Variants in ASXL1 observed in about 807,000 individuals in gnomAD.
The protein encoded by ASXL1 is ASXL transcriptional regulator 1.
ASXL1 carries 65 observed loss-of-function variants against 89.1 expected under a neutral mutation model. That is an observed-to-expected ratio of 0.73 (90% CI 0.60 to 0.90). The LOEUF (loss-of-function observed/expected upper bound fraction) is 0.90. Ranked by LOEUF, ASXL1 falls within the 40% of genes least tolerant of loss-of-function variation. The pLI is 0.00. For synonymous variants in ASXL1, 739 were observed against 746.9 expected (o/e 0.99, Z 0.17); for missense variants, 1,786 against 1,942.9 (o/e 0.92, Z 1.52).
rs987968539 is a variant in ASXL1, at chr20:32,428,207, G to A, written c.332G>A (p.Cys111Tyr). The A allele has an allele frequency of 3.1e-6, 5 of 1,614,182 alleles. No homozygotes were observed. The East Asian group carries it at 6.7e-5, about 22-fold the overall frequency. The change falls in exon 5 of 13, where the codon TGT (cysteine) becomes TAT (tyrosine). Residue 111 changes from cysteine to tyrosine, a missense_variant. Transcript: ENST00000375687. ...EPEDTADVES[C>Y]GSNEASTVSG... is the part of the protein sequence containing the mutation. ...GAGGACACGGCTGATGTGGAGAGCTGTGGGTCTAATGAAGCCAGCACTGTG... is the reference window on the plus strand; with the variant it reads ...GAGGACACGGCTGATGTGGAGAGCTATGGGTCTAATGAAGCCAGCACTGTG...
chr20:32,362,393 T>A (rs1362996241), intron 1 of ASXL1, among the ~76,000 whole-genome samples: 1 of 152,142 alleles, frequency 6.6e-6, no homozygotes, highest in East Asian at 1.9e-4. Flanking sequence ...TCCCAGCACT[T>A]TGGGAGGCCG....
At chr20:32,391,875 G>GTTCTT (rs2048677843) in intron 4 of ASXL1, among the ~76,000 whole-genome samples, 2 of 151,826 alleles carry the variant, frequency 1.3e-5, no homozygotes, top group Admixed American at 1.3e-4. Context: ...AGTCACTCCA[G>GTTCTT]TTCTTTTCAG....
intron 4 of ASXL1, among the ~76,000 whole-genome samples, chr20:32,397,249 G>GTTTTT (rs1480616920): frequency 1.7e-4 from 5 of 29,932 alleles, no homozygotes; most frequent in Non-Finnish European, 3.3e-4. Context: ...ACCATGCCTG[G>GTTTTT]CTTTTTTTTT....
Position 32,436,083 on chromosome 20 carries a change from C to G in ASXL1, c.3371C>G (p.Pro1124Arg), listed in dbSNP as rs777758375. The G allele has an allele frequency of 3.8e-5, 61 of 1,614,182 alleles. No homozygotes were observed. Among genetic ancestry groups the G allele is most frequent in the Non-Finnish European group, 5.2e-5 (61 of 1,180,028 alleles). Residue 1124 changes from proline (P) to arginine (R), a missense_variant, in exon 13 of 13, where the codon CCA (proline) becomes CGA (arginine). By Grantham distance (103) the Pro-to-Arg change is moderately radical. Coordinates refer to ENST00000375687, the MANE Select transcript of ASXL1 (RefSeq NM_015338.6). ...TTGCCCCTAGAGAAGGTTCTTCCACCAGCCCACGATGACAGCATGTCAGAA... is the reference window on the plus strand; with the variant it reads ...TTGCCCCTAGAGAAGGTTCTTCCACGAGCCCACGATGACAGCATGTCAGAA... ...GSLPLEKVLP[P>R]AHDDSMSESP...
chr20:32,358,548 G>T lies in ASXL1; in HGVS notation c.-228G>T. On this transcript the variant is annotated 5_prime_UTR_variant, in exon 1 of 13. Coordinates refer to ENST00000375687, the MANE Select transcript of ASXL1 (RefSeq NM_015338.6). ...GCCGCCGCTGCCGCCGTGGGCGACT[G>T]ACGCAGCGCGGGCGCGTGGAGCCGC... 1 of 214,374 alleles carries T rather than the reference G, an allele frequency of 4.7e-6. No homozygotes were observed. Among genetic ancestry groups the T allele is most frequent in the South Asian group, 1.6e-4 (1 of 6,134 alleles). 13.3% of individuals were successfully genotyped at this position (214,374 alleles called of 1,614,324 possible).
intron 4 of ASXL1, among the ~76,000 whole-genome samples, chr20:32,376,663 G>T (rs2048382979): frequency 6.6e-6 from 1 of 151,790 alleles, no homozygotes; most frequent in South Asian, 2.1e-4. Flanking sequence ...TTCTTTGCCT[G>T]TTCTCCCTTA....
At chr20:32,412,145 A>G (rs895971774) in intron 4 of ASXL1, among the ~76,000 whole-genome samples, 1 of 152,166 alleles carries the variant, frequency 6.6e-6, no homozygotes, top group Admixed American at 6.5e-5. Context: ...TTGTCTGTCT[A>G]TAGGTAAATA....
intron 12 of ASXL1, 66 bp downstream of exon 12, chr20:32,433,983 G>A (rs1474864063): frequency 2.5e-6 from 4 of 1,593,644 alleles, no homozygotes; most frequent in Non-Finnish European, 3.4e-6. Context: ...TGAGATTATA[G>A]AGCCCTTAAC....
Position 32,432,985 on chromosome 20 carries a change from A to G in ASXL1, c.1085A>G (p.Lys362Arg), listed in dbSNP as rs2123248318. ...TTCTTTGAAGACTACTATGGACAGA[A>G]GTAAGGCAGTTGGAGCTATGAGTCC... ...EKFFEDYYGQKLGLTKEESLQ... is the reference protein window; with the variant it reads ...EKFFEDYYGQRLGLTKEESLQ... The change falls in exon 11 of 13, where the codon AAG becomes AGG. Residue 362 changes from lysine (K) to arginine (R), a missense_variant and splice_region_variant. Around this residue, in one of 3 missense-constraint regions of ASXL1, gnomAD observed 1,418 missense variants for 1,427.8 expected, o/e 0.99. Coordinates refer to ENST00000375687, the MANE Select transcript of ASXL1 (RefSeq NM_015338.6). 4 of 1,613,752 alleles carry G rather than the reference A, an allele frequency of 2.5e-6. No individual in the cohort carries two copies. Among genetic ancestry groups the G allele is most frequent in the Non-Finnish European group, 2.5e-6 (3 of 1,180,010 alleles).
intron 4 of ASXL1, among the ~76,000 whole-genome samples, chr20:32,402,391 C>T (rs151001606): frequency 6.8e-4 from 103 of 152,292 alleles, no homozygotes; most frequent in Middle Eastern, 6.8e-3. Flanking sequence ...CAGTTTGGGG[C>T]TATTACAAAT....
intron 1 of ASXL1, among the ~76,000 whole-genome samples, chr20:32,365,070 G>T (rs541173773): frequency 6.6e-6 from 1 of 152,312 alleles, no homozygotes; most frequent in South Asian, 2.1e-4. Context: ...AGAAGAGTGG[G>T]TCTGGAGAAG....
chr20:32,416,849 T>G (rs1413229936), intron 4 of ASXL1, among the ~76,000 whole-genome samples: 1 of 152,248 alleles, frequency 6.6e-6, no homozygotes, highest in Non-Finnish European at 1.5e-5. Flanking sequence ...AAATCTTTTT[T>G]AAAAGTTTTG....
In ASXL1 at chr20:32,435,275, G is replaced by A; in HGVS notation, c.2563G>A (p.Asp855Asn). Residue 855 changes from aspartate to asparagine, a missense_variant, in exon 13 of 13, where the codon GAT becomes AAT. Coordinates refer to ENST00000375687, the MANE Select transcript of ASXL1 (RefSeq NM_015338.6). ...TTCCACACCTGAATCCTCACCGACT[G>A]ATTGCCTGCAGAACAGAGCATTTGA... ...PSSTPESSPT[D>N]CLQNRAFDDE... 1.2e-6 allele frequency: 2 copies of A among 1,614,144 alleles called. No homozygotes were observed. Among genetic ancestry groups the A allele is most frequent in the Non-Finnish European group, 1.7e-6 (2 of 1,180,024 alleles).
At position 32,429,827 on chromosome 20, in the gene ASXL1, G is replaced by T. The variant is rs2123220418; in HGVS notation, c.566-74G>T. 6.4e-7 allele frequency: 1 copy of T among 1,565,232 alleles called. No individual in the cohort carries two copies. On this transcript the variant is annotated intron_variant, in intron 7 of 12. Transcript: ENST00000375687. This position sits in a 1 kb window ranked among gnomAD's most constrained non-coding sequence, Gnocchi z 4.9. ...CTGGCAGCATCTCAGGGAGAGCTGG[G>T]AGAAATGAGCTTGTCTGAGAGCCAT...
At chr20:32,365,474 T>C (rs957302978) in intron 1 of ASXL1, among the ~76,000 whole-genome samples, 1 of 152,188 alleles carries the variant, frequency 6.6e-6, no homozygotes, top group Non-Finnish European at 1.5e-5. Context: ...CGTATCAGAC[T>C]TCTTTATGTT....
chr20:32,362,064 AAAAAC>A (rs1308839356), intron 1 of ASXL1, among the ~76,000 whole-genome samples: 23 of 152,318 alleles, frequency 1.5e-4, no homozygotes, highest in Non-Finnish European at 2.4e-4. Flanking sequence ...ACTCTGTCTC[AAAAAC>A]AAAACAAAAG....
intron 4 of ASXL1, chr20:32,372,485 G>A (rs1036050227): frequency 9.9e-6 from 9 of 906,292 alleles, no homozygotes; most frequent in African/African-American, 1.8e-5. Flanking sequence ...AGCAGAGTCT[G>A]TATTTTATTA....
Position 32,437,354 on chromosome 20 carries a change from G to A in ASXL1, c.*16G>A, listed in dbSNP as rs2011983421. 1 of 1,611,122 alleles carries A rather than the reference G, an allele frequency of 6.2e-7. No individual in the cohort carries two copies. Among genetic ancestry groups the A allele is most frequent in the African/African-American group, 1.3e-5 (1 of 74,826 alleles). ...GGTGAGATAATAAATTATGGCCATG[G>A]GAAACATTGTATATTTAGTGTGTGT... On this transcript the variant is annotated 3_prime_UTR_variant, in exon 13 of 13. Transcript: ENST00000375687.
chr20:32,426,885 A>G (rs919566447), intron 4 of ASXL1, among the ~76,000 whole-genome samples: 1 of 152,088 alleles, frequency 6.6e-6, no homozygotes, highest in Non-Finnish European at 1.5e-5. Context: ...TTTAAGATAC[A>G]TGATTTTGGC....
Sources: allele counts gnomAD v4.1 joint callset (sites outside exome capture counted in the v4.1 genomes callset), GRCh38; gene constraint gnomAD v4.1.1; regional missense constraint gnomAD v4.1.1; non-coding constraint Gnocchi (gnomAD v3.1); transcripts MANE v1.5; gene names NCBI Gene and HGNC (gene_info 2026-07-23, HGNC 2026-07-21).